Variants in RHOG observed in about 807,000 individuals in gnomAD.
RHOG encodes the protein rho-related GTP-binding protein RhoG.
A neutral mutation model predicts 12.3 loss-of-function variants in RHOG; 1 was observed. The observed-to-expected ratio is 0.08, with a 90% confidence interval of 0.03 to 0.39. The LOEUF (loss-of-function observed/expected upper bound fraction) is 0.39, where lower values mean the gene tolerates loss of function less well. RHOG is among the 10% of genes least tolerant of loss of function. The pLI is 0.99. For synonymous variants in RHOG, 129 were observed against 116.0 expected, an observed-to-expected ratio of 1.11 and a Z score of -0.72; for missense variants, 114 against 266.2, an observed-to-expected ratio of 0.43 and a Z score of 3.98.
chr11:3,836,779 G>A (rs1042287538), intron 1 of RHOG, among the ~76,000 whole-genome samples: 14 of 151,612 alleles, frequency 9.2e-5, no homozygotes, highest in African/African-American at 3.1e-4. Flanking sequence ...GGTGCATGCC[G>A]GTAGTCCCCG....
rs751981741 is a variant in RHOG at position 3,833,759 on chromosome 11, C to T, written c.-68-5553G>A. ...CTTTGCAAGTGTGAGTTCCCAGCTC[C>T]CTGTTCCAGAGGGATTTTCAATGTC... On this transcript the variant is annotated intron_variant, in intron 1 of 1. Coordinates refer to ENST00000351018, the MANE Select transcript of RHOG (RefSeq NM_001665.4). Among the ~76,000 whole-genome samples the T allele has an allele frequency of 5.9e-5, 9 of 152,294 alleles. No homozygotes were observed. In the South Asian group the frequency reaches 1.9e-3, roughly 32 times the overall value.
chr11:3,840,180 C>T (rs909570274), intron 1 of RHOG, among the ~76,000 whole-genome samples: 2 of 152,156 alleles, frequency 1.3e-5, no homozygotes, highest in African/African-American at 4.8e-5. Flanking sequence ...CTTCCAGTTA[C>T]AGGGCAAGAC....
At chr11:3,837,571 T>C (rs956023723) in intron 1 of RHOG, among the ~76,000 whole-genome samples, 1 of 152,154 alleles carries the variant, frequency 6.6e-6, no homozygotes, top group African/African-American at 2.4e-5. Context: ...GAGGTACTGA[T>C]ATGCAACTCC....
chr11:3,840,355 T>G (rs58984815), intron 1 of RHOG, among the ~76,000 whole-genome samples: 12,996 of 151,866 alleles, frequency 0.086, 861 homozygotes, highest in East Asian at 0.27. Flanking sequence ...CGGGTCCTCC[T>G]GAGTGCAGAG....
Position 3,828,193 on chromosome 11 carries a change from C to G in RHOG, c.-55G>C, listed in dbSNP as rs2090098611. ...TGCCTCCTCTCTCTTCTGGACCCCT[C>G]TGGCTGCAGTGACCTGTGGACAGAT... On this transcript the variant is annotated 5_prime_UTR_variant, in exon 2 of 2. Transcript: ENST00000351018. The G allele has an allele frequency of 6.6e-7, 1 of 1,505,500 alleles. No homozygotes were observed. The highest frequency in any genetic ancestry group is 1.2e-5 in the South Asian group (1 of 84,016). The allele number at this position is 1,505,500 out of a possible 1,614,324, so 93.3% of individuals were successfully genotyped here. A position where few individuals can be genotyped will look rare whatever the true frequency, so the allele number is the denominator to read the frequency against.
intron 1 of RHOG, chr11:3,830,583 GT>G (rs113502105): frequency 0.046 from 7,053 of 151,780 alleles, 484 homozygotes; most frequent in African/African-American, 0.15. Context: ...TGATCCCAGG[GT>G]GGTCAAGGCT....
chr11:3,835,177 C>G (rs2090149467), intron 1 of RHOG, among the ~76,000 whole-genome samples: 1 of 152,126 alleles, frequency 6.6e-6, no homozygotes, highest in African/African-American at 2.4e-5. Flanking sequence ...TTGACTGGAC[C>G]TTGCTGAGCA....
chr11:3,830,655 C>CAAA lies in RHOG; in HGVS notation c.-68-2452_-68-2450dup, dbSNP rs56236070. On this transcript the variant is annotated intron_variant, in intron 1 of 1. Coordinates refer to ENST00000351018, the MANE Select transcript of RHOG (RefSeq NM_001665.4). Reference sequence around the variant, plus strand: ...TGTGCGACAGAGCAAGACCCTGTCTCAAAAAAAAAAAAATAAAAAGTAAGA... The same window carrying CAAA: ...TGTGCGACAGAGCAAGACCCTGTCTCAAAAAAAAAAAAAAAATAAAAAGTAAGA... 300 of 139,060 alleles carry CAAA rather than the reference C, an allele frequency of 2.2e-3. 1 individual carries two copies. Among genetic ancestry groups the CAAA allele is most frequent in the East Asian group, 7.9e-3 (38 of 4,812 alleles). 8.6% of individuals were successfully genotyped at this position (139,060 alleles called of 1,614,324 possible). A position where few individuals can be genotyped will look rare whatever the true frequency, so the allele number is the denominator to read the frequency against.
intron 1 of RHOG, among the ~76,000 whole-genome samples, chr11:3,829,767 G>A (rs185048421): frequency 1.3e-5 from 2 of 151,914 alleles, no homozygotes; most frequent in Admixed American, 1.3e-4. Flanking sequence ...TCTTTTTTGA[G>A]ACGGAGTCTT....
chr11:3,837,018 C>G (rs1305113651), intron 1 of RHOG, among the ~76,000 whole-genome samples: 1 of 151,374 alleles, frequency 6.6e-6, no homozygotes, highest in Non-Finnish European at 1.5e-5. Context: ...AGGGTGCACA[C>G]TGGCTTCCTC....
rs2090092743 is a variant in RHOG at position 3,827,869 on chromosome 11, A to G, written c.270T>C (p.Tyr90=). The change falls in exon 2 of 2, where the codon TAT becomes TAC. Residue 90 remains tyrosine (Y), a synonymous_variant. Transcript: ENST00000351018. This position sits in a 1 kb window ranked among gnomAD's most constrained non-coding sequence, Gnocchi z 7.3. ...ICFSIASPPS[Y]ENVRHKWHPE... is the part of the protein sequence containing the mutation. The stretch of plus-strand genomic sequence containing the variant: ...GATGCCACTTGTGCCGCACGTTCTC[A>G]TAGGACGGCGGACTGGCAATGGAGA... 1 of 1,614,230 alleles carries G rather than the reference A, an allele frequency of 6.2e-7. No homozygotes were observed. The highest frequency in any genetic ancestry group is 8.5e-7 in the Non-Finnish European group (1 of 1,180,034).
intron 1 of RHOG, among the ~76,000 whole-genome samples, chr11:3,832,035 G>C (rs1181893055): frequency 6.6e-6 from 1 of 152,134 alleles, no homozygotes; most frequent in Non-Finnish European, 1.5e-5. Context: ...ACCGACACTG[G>C]AAAAGGATGA....
In RHOG at chr11:3,828,162, A is replaced by G. The variant is rs1316568216; in HGVS notation, c.-24T>C. On this transcript the variant is annotated 5_prime_UTR_variant, in exon 2 of 2. Coordinates refer to ENST00000351018, the MANE Select transcript of RHOG (RefSeq NM_001665.4). ...ATCGTGGGTGCAGTTGCTGTAGTGG[A>G]GGCAGTGCCTCCTCTCTCTTCTGGA... The G allele has an allele frequency of 6.3e-7, 1 of 1,597,312 alleles. No individual in the cohort carries two copies. The highest frequency in any genetic ancestry group is 1.1e-5 in the South Asian group (1 of 90,010).
chr11:3,827,968 G>A lies in RHOG; in HGVS notation c.171C>T (p.Asp57=). 6.2e-7 allele frequency: 1 copy of A among 1,614,282 alleles called. No individual in the cohort carries two copies. ...DGRTVNLNLW[D]TAGQEEYDRL... ...GGTCATACTCCTCCTGGCCCGCAGT[G>A]TCCCACAGGTTCAGGTTCACTGTGC... Residue 57 remains aspartate, a synonymous_variant, in exon 2 of 2, where the codon GAC becomes GAT. Transcript: ENST00000351018. The surrounding 1 kb of genome is among the most constrained non-coding windows in gnomAD (Gnocchi z 7.3).
chr11:3,834,062 A>C (rs962941099), intron 1 of RHOG, among the ~76,000 whole-genome samples: 3 of 152,208 alleles, frequency 2.0e-5, no homozygotes, highest in Non-Finnish European at 4.4e-5. Context: ...TATTGGGATT[A>C]CATGCATGTG....
At position 3,834,779 on chromosome 11, in the gene RHOG, G is replaced by T. The variant is rs566314821; in HGVS notation, c.-69+6115C>A. The stretch of plus-strand genomic sequence containing the variant: ...CAGGGGAAGTGTCCCAACTGGGAGT[G>T]GGGGAGGGGAGGAACGGACTCTTAA... On this transcript the variant is annotated intron_variant, in intron 1 of 1. Transcript: ENST00000351018. Among the ~76,000 whole-genome samples the T allele has an allele frequency of 6.6e-5, 10 of 152,280 alleles. No individual in the cohort carries two copies. The East Asian group carries it at 1.9e-3, about 29-fold the overall frequency.
chr11:3,827,556 G>A lies in RHOG; in HGVS notation c.*7C>T. 1 of 1,596,398 alleles carries A rather than the reference G, an allele frequency of 6.3e-7. No individual in the cohort carries two copies. Among genetic ancestry groups the A allele is most frequent in the East Asian group, 2.2e-5 (1 of 44,682 alleles). On this transcript the variant is annotated 3_prime_UTR_variant, in exon 2 of 2. Coordinates refer to ENST00000351018, the MANE Select transcript of RHOG (RefSeq NM_001665.4). The surrounding 1 kb of genome is among the most constrained non-coding windows in gnomAD (Gnocchi z 7.3). ...GGCAGGGGCAGCCTCCAAGCCAAGT[G>A]CCAGGGTCACAAGAGGATGCAGGAC...
At chr11:3,832,682 T>C (rs900794648) in intron 1 of RHOG, among the ~76,000 whole-genome samples, 2 of 152,224 alleles carry the variant, frequency 1.3e-5, no homozygotes, top group African/African-American at 4.8e-5. Context: ...TTCAGACCTT[T>C]ATCCTCTCTC....
intron 1 of RHOG, among the ~76,000 whole-genome samples, chr11:3,835,279 T>C (rs529360499): frequency 3.2e-4 from 48 of 152,328 alleles, no homozygotes; most frequent in African/African-American, 1.1e-3. Context: ...TTCCTCTTCC[T>C]GGAATGCGAC....
Sources: allele counts gnomAD v4.1 joint callset (sites outside exome capture counted in the v4.1 genomes callset), GRCh38; gene constraint gnomAD v4.1.1; non-coding constraint Gnocchi (gnomAD v3.1); transcripts MANE v1.5; gene names NCBI Gene and HGNC (gene_info 2026-07-23, HGNC 2026-07-21).